ZNF69: variants seen among roughly 807,000 people sequenced by gnomAD.
The protein encoded by ZNF69 is zinc finger protein 69.
A neutral mutation model predicts 50.9 loss-of-function variants in ZNF69; 47 were observed. That is an observed-to-expected ratio of 0.92 (90% CI 0.73 to 1.18). The LOEUF (loss-of-function observed/expected upper bound fraction) is 1.18, where lower values mean the gene tolerates loss of function less well. ZNF69 is among the 50% of genes most tolerant of loss of function. The pLI is 0.00. For missense variants in ZNF69, 717 were observed against 675.1 expected, an observed-to-expected ratio of 1.06 and a Z score of -0.69; for synonymous variants, 216 against 223.1, an observed-to-expected ratio of 0.97 and a Z score of 0.29.
At chr19:11,958,583 C>T in the ZNF69 span, among the ~76,000 whole-genome samples, 1 of 152,162 alleles carries the variant, frequency 6.6e-6, no homozygotes, top group African/African-American at 2.4e-5. Flanking sequence ...GGACTGTGTC[C>T]ACACTGTGGG....
chr19:11,980,200 T>C, the ZNF69 span: 1 of 478,140 alleles, frequency 2.1e-6, no homozygotes, highest in African/African-American at 2.0e-5. Flanking sequence ...ATCAATATGA[T>C]GAAACCCCTG....
At chr19:11,929,263 A>G in the ZNF69 span, among the ~76,000 whole-genome samples, 1 of 148,462 alleles carries the variant, frequency 6.7e-6, no homozygotes, top group African/African-American at 2.6e-5. Context: ...TCCTGGGTTC[A>G]AGTAATTCTC....
the ZNF69 span, chr19:11,979,498 G>A: frequency 6.4e-5 from 102 of 1,600,894 alleles, no homozygotes; most frequent in Middle Eastern, 5.0e-4. Flanking sequence ...ATTCTCCCAC[G>A]TCATTTCAAA....
the ZNF69 span, among the ~76,000 whole-genome samples, chr19:11,935,997 G>C: frequency 2.6e-5 from 4 of 152,136 alleles, no homozygotes; most frequent in Admixed American, 6.6e-5. Context: ...TGAGTATGAT[G>C]ATTTCCAGTT....
the ZNF69 span, among the ~76,000 whole-genome samples, chr19:11,960,671 A>T: frequency 6.6e-6 from 1 of 151,932 alleles, no homozygotes; most frequent in Non-Finnish European, 1.5e-5. Context: ...AATCTTTAAC[A>T]ACTGCATACT....
the ZNF69 span, among the ~76,000 whole-genome samples, chr19:11,972,396 A>T: frequency 0.019 from 2,873 of 152,354 alleles, 35 homozygotes; most frequent in African/African-American, 0.026. Context: ...ATTGAAATTC[A>T]CTGAGATTTA....
At chr19:11,889,831 G>A (rs866191096) in intron 1 of ZNF69, among the ~76,000 whole-genome samples, 2 of 152,218 alleles carry the variant, frequency 1.3e-5, no homozygotes, top group African/African-American at 4.8e-5. Flanking sequence ...CGAGGGGAGT[G>A]TGGCAGGACA....
At chr19:11,932,222 TAGACCC>T in the ZNF69 span, among the ~76,000 whole-genome samples, 1 of 148,068 alleles carries the variant, frequency 6.8e-6, no homozygotes, top group Non-Finnish European at 1.5e-5. Flanking sequence ...TGTGCGCCTG[TAGACCC>T]AGCTACTCAG....
chr19:11,943,606 G>T, the ZNF69 span, among the ~76,000 whole-genome samples: 7 of 152,220 alleles, frequency 4.6e-5, 1 homozygote, highest in African/African-American at 1.7e-4. Flanking sequence ...TACACATCAG[G>T]TCGGGCATTT....
downstream of ZNF69, among the ~76,000 whole-genome samples, chr19:11,917,295 T>C (rs1972530685): frequency 6.6e-6 from 1 of 152,208 alleles, no homozygotes; most frequent in South Asian, 2.1e-4. Flanking sequence ...TTCCACTGAC[T>C]CACAGTGAGC....
chr19:11,962,212 T>C, the ZNF69 span, among the ~76,000 whole-genome samples: 1 of 151,292 alleles, frequency 6.6e-6, no homozygotes. Context: ...AGCTCAGGAG[T>C]TCAAGACCAG....
chr19:11,898,943 C>A (rs1427021460), intron 1 of ZNF69, among the ~76,000 whole-genome samples: 2 of 152,168 alleles, frequency 1.3e-5, no homozygotes, highest in African/African-American at 4.8e-5. Context: ...TTGAAGAAGC[C>A]AATGTTATTA....
At chr19:11,966,981 G>A in the ZNF69 span, among the ~76,000 whole-genome samples, 1 of 152,150 alleles carries the variant, frequency 6.6e-6, no homozygotes, top group Non-Finnish European at 1.5e-5. Context: ...AGGGTTCTTG[G>A]ATCTCACACA....
the ZNF69 span, among the ~76,000 whole-genome samples, chr19:11,945,146 C>T: frequency 0.02 from 2,984 of 152,314 alleles, 75 homozygotes; most frequent in African/African-American, 0.059. Context: ...AGCCCCAGGG[C>T]TGGGACTGAC....
the ZNF69 span, among the ~76,000 whole-genome samples, chr19:11,920,207 G>A: frequency 6.6e-6 from 1 of 151,680 alleles, no homozygotes; most frequent in Non-Finnish European, 1.5e-5. Context: ...TGCCTCCTGG[G>A]TTCAAGCGAT....
At chr19:11,958,067 C>T in the ZNF69 span, among the ~76,000 whole-genome samples, 1 of 152,140 alleles carries the variant, frequency 6.6e-6, no homozygotes, top group African/African-American at 2.4e-5. Flanking sequence ...TAGTAAGGTG[C>T]TCTTGCACAA....
At chr19:11,977,886 C>T in the ZNF69 span, among the ~76,000 whole-genome samples, 1 of 152,144 alleles carries the variant, frequency 6.6e-6, no homozygotes, top group South Asian at 2.1e-4. Context: ...GTATTTAGTA[C>T]TTGTAAAATA....
the ZNF69 span, among the ~76,000 whole-genome samples, chr19:11,926,068 T>G: frequency 6.6e-6 from 1 of 151,096 alleles, no homozygotes; most frequent in Non-Finnish European, 1.5e-5. Flanking sequence ...TGTCTAAAGT[T>G]TGGAGGAGGT....
At chr19:11,924,288 C>T in the ZNF69 span, among the ~76,000 whole-genome samples, 1 of 151,852 alleles carries the variant, frequency 6.6e-6, no homozygotes, top group African/African-American at 2.4e-5. Context: ...AAATATTAGC[C>T]GGGCGTGGTG....
Sources: gnomAD v4.1 joint callset for allele counts (sites outside exome capture counted in the v4.1 genomes callset) on GRCh38, gnomAD v4.1.1 for gene constraint, MANE v1.5 for transcripts, NCBI Gene and HGNC (gene_info 2026-07-23, HGNC 2026-07-21) for gene names.